PKIB: variants seen among roughly 807,000 people sequenced by gnomAD.
The protein encoded by PKIB is cAMP-dependent protein kinase inhibitor beta, also known as PKI-beta.
In PKIB, 2 loss-of-function variants were observed where a neutral mutation model predicts 4.5. The ratio of observed to expected loss-of-function variants is 0.44; its 90% CI spans 0.18 to 1.39. The LOEUF (loss-of-function observed/expected upper bound fraction) is 1.39, where lower values mean the gene tolerates loss of function less well. Ranked by LOEUF, PKIB falls within the 40% of genes most tolerant of loss-of-function variation. The pLI is 0.27. For synonymous variants in PKIB, 38 were observed against 36.0 expected, an observed-to-expected ratio of 1.06 and a Z score of -0.20; for missense variants, 94 against 92.6, an observed-to-expected ratio of 1.02 and a Z score of -0.06.
chr6:122,691,100 T>C (rs1177633315), intron 3 of PKIB, among the ~76,000 whole-genome samples: 1 of 152,024 alleles, frequency 6.6e-6, no homozygotes, highest in East Asian at 1.9e-4. Context: ...TTTCTCTTAC[T>C]GCTTTTAGGG....
intron 2 of PKIB, among the ~76,000 whole-genome samples, chr6:122,500,686 A>G (rs1043389350): frequency 6.6e-6 from 1 of 152,170 alleles, no homozygotes; most frequent in Non-Finnish European, 1.5e-5. Flanking sequence ...TTTATTTTGC[A>G]TGAGTTATAT....
At position 122,725,506 on chromosome 6, in the gene PKIB, A is replaced by G. The variant is rs1779920701; in HGVS notation, c.*311A>G. On this transcript the variant is annotated 3_prime_UTR_variant, in exon 5 of 5. Coordinates refer to ENST00000368452, the MANE Select transcript of PKIB (RefSeq NM_181795.3). ...TCACTGTTCTCTTTTGGATTTATTTAGCCTGATGTATTTTTAATTCAATTT... is the reference window on the plus strand; with the variant it reads ...TCACTGTTCTCTTTTGGATTTATTTGGCCTGATGTATTTTTAATTCAATTT... The G allele has an allele frequency of 4.3e-6, 1 of 229,986 alleles. No individual in the cohort carries two copies. Among genetic ancestry groups the G allele is most frequent in the African/African-American group, 2.2e-5 (1 of 44,512 alleles). The allele number at this position is 229,986 out of a possible 1,614,324, so 14.2% of individuals were successfully genotyped here.
intron 2 of PKIB, among the ~76,000 whole-genome samples, chr6:122,508,676 T>C (rs895996641): frequency 1.3e-5 from 2 of 152,198 alleles, no homozygotes; most frequent in Non-Finnish European, 2.9e-5. Context: ...ATAATATATT[T>C]AATTAAGGCA....
intron 3 of PKIB, among the ~76,000 whole-genome samples, chr6:122,675,400 C>T (rs1777631027): frequency 6.6e-6 from 1 of 152,134 alleles, no homozygotes; most frequent in South Asian, 2.1e-4. Flanking sequence ...GGACATTTCT[C>T]TTTGATGATG....
chr6:122,679,259 CCTG>C (rs2114968715), intron 3 of PKIB, among the ~76,000 whole-genome samples: 1 of 152,088 alleles, frequency 6.6e-6, no homozygotes, highest in Admixed American at 6.6e-5. Flanking sequence ...AGTTATAAGT[CCTG>C]AATGGAGGGT....
chr6:122,472,610 A>G (rs1691607005), intron 1 of PKIB, among the ~76,000 whole-genome samples: 1 of 152,192 alleles, frequency 6.6e-6, no homozygotes, highest in Non-Finnish European at 1.5e-5. Flanking sequence ...TCAAACTTGA[A>G]ATAGTCATTC....
chr6:122,722,061 AT>A (rs1779766164), intron 4 of PKIB, among the ~76,000 whole-genome samples: 1 of 152,184 alleles, frequency 6.6e-6, no homozygotes, highest in Non-Finnish European at 1.5e-5. Flanking sequence ...ATTCGATTAC[AT>A]TGAAAGCACT....
chr6:122,502,039 G>C (rs1430740089), intron 2 of PKIB, among the ~76,000 whole-genome samples: 6 of 148,582 alleles, frequency 4.0e-5, no homozygotes, highest in African/African-American at 7.5e-5. Context: ...TGCAACCTCT[G>C]CCTCCCCAGT....
chr6:122,584,073 A>G (rs1412844306), intron 2 of PKIB, among the ~76,000 whole-genome samples: 2 of 152,158 alleles, frequency 1.3e-5, no homozygotes, highest in Admixed American at 6.6e-5. Flanking sequence ...GAGATTACAC[A>G]TCATTAAGGA....
At chr6:122,543,663 A>G (rs1772387808) in intron 2 of PKIB, among the ~76,000 whole-genome samples, 1 of 151,984 alleles carries the variant, frequency 6.6e-6, no homozygotes, top group Non-Finnish European at 1.5e-5. Context: ...TACAGGCATG[A>G]GCCACTGCAC....
chr6:122,625,905 C>A (rs1296662874), intron 1 of PKIB, among the ~76,000 whole-genome samples: 1 of 151,980 alleles, frequency 6.6e-6, no homozygotes, highest in Non-Finnish European at 1.5e-5. Context: ...TCCATCTCTA[C>A]AAAAAATACA....
intron 2 of PKIB, among the ~76,000 whole-genome samples, chr6:122,547,637 C>T (rs1002455749): frequency 3.3e-5 from 5 of 151,108 alleles, no homozygotes; most frequent in Non-Finnish European, 5.9e-5. Flanking sequence ...CGCGCCCGGC[C>T]TATTCAGCAG....
chr6:122,490,942 GT>G (rs1306262872), intron 2 of PKIB, among the ~76,000 whole-genome samples: 2 of 152,138 alleles, frequency 1.3e-5, no homozygotes, highest in Admixed American at 6.5e-5. Context: ...CAGTGATTAT[GT>G]TAGTGGCAGT....
chr6:122,630,326 C>CA (rs1395942393), intron 1 of PKIB, among the ~76,000 whole-genome samples: 3 of 152,000 alleles, frequency 2.0e-5, no homozygotes, highest in Non-Finnish European at 4.4e-5. Flanking sequence ...ATATATACAT[C>CA]AGAGTATTTT....
At chr6:122,517,016 T>C (rs1365875545) in intron 2 of PKIB, among the ~76,000 whole-genome samples, 1 of 152,182 alleles carries the variant, frequency 6.6e-6, no homozygotes, top group Non-Finnish European at 1.5e-5. Context: ...ATCATTTGAA[T>C]CACTATTTAG....
intron 2 of PKIB, among the ~76,000 whole-genome samples, chr6:122,576,568 T>C (rs1314141750): frequency 1.4e-5 from 2 of 146,836 alleles, no homozygotes; most frequent in Non-Finnish European, 3.0e-5. Context: ...ATCGGGAGGC[T>C]GAGGCAGGAG....
At chr6:122,552,654 A>T (rs1046414626) in intron 2 of PKIB, among the ~76,000 whole-genome samples, 2 of 152,196 alleles carry the variant, frequency 1.3e-5, no homozygotes, top group African/African-American at 4.8e-5. Context: ...CTGGGATTAC[A>T]GGCACGAGCC....
At chr6:122,584,772 T>G (rs1218054384) in intron 2 of PKIB, among the ~76,000 whole-genome samples, 1 of 152,074 alleles carries the variant, frequency 6.6e-6, no homozygotes, top group Non-Finnish European at 1.5e-5. Flanking sequence ...AATATTAAAT[T>G]TATTAAATAC....
At chr6:122,509,834 G>A (rs183581357) in intron 2 of PKIB, among the ~76,000 whole-genome samples, 3 of 151,946 alleles carry the variant, frequency 2.0e-5, no homozygotes. Context: ...ACCCCCATTG[G>A]GTAGTGGGAA....
Sources: gnomAD v4.1 joint callset for allele counts (sites outside exome capture counted in the v4.1 genomes callset) on GRCh38, gnomAD v4.1.1 for gene constraint, MANE v1.5 for transcripts, NCBI Gene and HGNC (gene_info 2026-07-23, HGNC 2026-07-21) for gene names.